The following EPHA3 variants were observed in gnomAD, a reference collection of about 807,000 sequenced individuals.
The protein encoded by EPHA3 is EPH receptor A3.
EPHA3 carries 42 observed loss-of-function variants against 107.1 expected under a neutral mutation model. The ratio of observed to expected loss-of-function variants is 0.39; its 90% CI spans 0.31 to 0.51. The LOEUF (loss-of-function observed/expected upper bound fraction) is 0.51. Among genes scored for constraint, EPHA3 ranks in the 20% least tolerant of loss-of-function variants. The pLI is 0.78. For missense variants in EPHA3, 1,183 were observed against 1,211.2 expected (o/e 0.98, Z 0.35); for synonymous variants, 461 against 424.8 (o/e 1.09, Z -1.05).
At chr3:89,274,391 TTAAC>T (rs1254285389) in intron 3 of EPHA3, among the ~76,000 whole-genome samples, 2 of 151,990 alleles carry the variant, frequency 1.3e-5, no homozygotes, top group Admixed American at 6.6e-5. Flanking sequence ...CACTCAAACA[TTAAC>T]TGACTGAACT....
At chr3:89,146,203 A>G (rs1704554793) in intron 2 of EPHA3, among the ~76,000 whole-genome samples, 1 of 151,886 alleles carries the variant, frequency 6.6e-6, no homozygotes, top group Non-Finnish European at 1.5e-5. Flanking sequence ...GGTATCCTCC[A>G]TGTATACACA....
chr3:89,250,308 T>C (rs1435112559), intron 3 of EPHA3, among the ~76,000 whole-genome samples: 1 of 152,178 alleles, frequency 6.6e-6, no homozygotes, highest in African/African-American at 2.4e-5. Context: ...GCCTATGCAT[T>C]TACTCAGTTG....
intron 2 of EPHA3, among the ~76,000 whole-genome samples, chr3:89,159,356 C>G (rs1308520993): frequency 6.6e-6 from 1 of 152,038 alleles, no homozygotes; most frequent in African/African-American, 2.4e-5. Context: ...GTATTACTAA[C>G]CCAGCTCAGA....
chr3:89,446,389 T>A (rs572327022), intron 13 of EPHA3, among the ~76,000 whole-genome samples: 150 of 152,294 alleles, frequency 9.8e-4, no homozygotes, highest in Non-Finnish European at 1.7e-3. Context: ...TATGGCTCTG[T>A]TCTTCCTAAA....
At chr3:89,276,387 C>A (rs943307551) in intron 3 of EPHA3, among the ~76,000 whole-genome samples, 2 of 152,086 alleles carry the variant, frequency 1.3e-5, no homozygotes, top group Non-Finnish European at 2.9e-5. Flanking sequence ...CTAGCAAATT[C>A]TTTAAACTGG....
At chr3:89,221,025 A>G (rs1432846687) in intron 3 of EPHA3, among the ~76,000 whole-genome samples, 1 of 152,182 alleles carries the variant, frequency 6.6e-6, no homozygotes, top group African/African-American at 2.4e-5. Context: ...CAAGGTCACA[A>G]TTAGTAAGTG....
intron 10 of EPHA3, among the ~76,000 whole-genome samples, chr3:89,416,750 A>AT (rs1709256611): frequency 6.6e-6 from 1 of 151,390 alleles, no homozygotes; most frequent in Non-Finnish European, 1.5e-5. Context: ...CTGAAACACA[A>AT]TTTTCATGAA....
intron 10 of EPHA3, among the ~76,000 whole-genome samples, chr3:89,417,543 C>A (rs1464243046): frequency 6.6e-6 from 1 of 151,402 alleles, no homozygotes; most frequent in African/African-American, 2.4e-5. Context: ...GAAACTCTTA[C>A]TCTTGTTTAC....
In EPHA3 at chr3:89,350,237, G is replaced by A. The variant is rs371697294; in HGVS notation, c.1306+8147G>A. 3.0e-3 allele frequency among the ~76,000 whole-genome samples: 453 copies of A among 149,600 alleles called. 2 individuals carry two copies. Among genetic ancestry groups the A allele is most frequent in the African/African-American group, 0.01 (424 of 40,446 alleles). On this transcript the variant is annotated intron_variant, in intron 5 of 16. Coordinates refer to ENST00000336596, the MANE Select transcript of EPHA3 (RefSeq NM_005233.6). ...TTTCCAACTTGGTTCCATTCTCCCC[G>A]TCACTTTCAGGTACACCAATCAGAC...
At chr3:89,269,585 T>G (rs1576278771) in intron 3 of EPHA3, among the ~76,000 whole-genome samples, 1 of 151,492 alleles carries the variant, frequency 6.6e-6, no homozygotes, top group African/African-American at 2.4e-5. Flanking sequence ...CCAGCCAGAG[T>G]GACAACAATT....
intron 13 of EPHA3, among the ~76,000 whole-genome samples, chr3:89,438,637 G>T (rs1293657128): frequency 6.6e-6 from 1 of 151,978 alleles, no homozygotes; most frequent in African/African-American, 2.4e-5. Flanking sequence ...AATATATGTC[G>T]CATGTCATTT....
chr3:89,400,030 C>T (rs1708926540), intron 7 of EPHA3: 1 of 1,035,928 alleles, frequency 9.7e-7, no homozygotes, highest in African/African-American at 1.7e-5. Context: ...AACTGGCAAA[C>T]ATTTTTCCAG....
chr3:89,254,566 T>C (rs1705236020), intron 3 of EPHA3, among the ~76,000 whole-genome samples: 1 of 152,198 alleles, frequency 6.6e-6, no homozygotes, highest in South Asian at 2.1e-4. Flanking sequence ...TCTGTCGAAT[T>C]GTACTCAGCT....
chr3:89,134,204 C>G (rs550812982), intron 2 of EPHA3, among the ~76,000 whole-genome samples: 2 of 141,994 alleles, frequency 1.4e-5, no homozygotes, highest in Non-Finnish European at 3.1e-5. Flanking sequence ...TGGTCCTTGT[C>G]AACTTTCTTT....
At chr3:89,439,723 G>GCACACA (rs59868005) in intron 13 of EPHA3, among the ~76,000 whole-genome samples, 44 of 133,306 alleles carry the variant, frequency 3.3e-4, no homozygotes, top group Middle Eastern at 7.8e-3. Flanking sequence ...TCATATTAAG[G>GCACACA]CACACACACA....
chr3:89,431,706 T>C (rs1240222286), intron 13 of EPHA3, among the ~76,000 whole-genome samples: 1 of 152,116 alleles, frequency 6.6e-6, no homozygotes, highest in Non-Finnish European at 1.5e-5. Context: ...CTAAGGACCT[T>C]ATCCCAGTAC....
intron 2 of EPHA3, among the ~76,000 whole-genome samples, chr3:89,190,379 A>G (rs1427361556): frequency 1.3e-5 from 2 of 152,214 alleles, no homozygotes; most frequent in East Asian, 3.8e-4. Flanking sequence ...AGAGAACAAT[A>G]TATCTACCAA....
chr3:89,129,228 T>G (rs1195545031), intron 2 of EPHA3, among the ~76,000 whole-genome samples: 1 of 152,184 alleles, frequency 6.6e-6, no homozygotes, highest in Non-Finnish European at 1.5e-5. Context: ...TCAAAAGTTT[T>G]CAGTTTCTTC....
Position 89,480,114 on chromosome 3 carries a change from C to G in EPHA3, c.*612C>G, listed in dbSNP as rs1231847871. The stretch of plus-strand genomic sequence containing the variant: ...TTAAGTATATCATGTAAAGAAATGT[C>G]TTAATTTTTGAAAAAAGTACATATT... On this transcript the variant is annotated 3_prime_UTR_variant, in exon 17 of 17. Coordinates refer to ENST00000336596, the MANE Select transcript of EPHA3 (RefSeq NM_005233.6). 4.3e-6 allele frequency: 1 copy of G among 232,612 alleles called. No individual in the cohort carries two copies. The highest frequency in any genetic ancestry group is 8.5e-6 in the Non-Finnish European group (1 of 117,546). 14.4% of individuals were successfully genotyped at this position (232,612 alleles called of 1,614,324 possible).
Sources: gnomAD v4.1 joint callset for allele counts (sites outside exome capture counted in the v4.1 genomes callset) on GRCh38, gnomAD v4.1.1 for gene constraint, MANE v1.5 for transcripts, NCBI Gene and HGNC (gene_info 2026-07-23, HGNC 2026-07-21) for gene names.